PTH: variants seen among roughly 807,000 people sequenced by gnomAD.
PTH encodes parathyroid hormone, also known as parathormone.
In PTH, 7 loss-of-function variants were observed where a neutral mutation model predicts 7.4. The ratio of observed to expected loss-of-function variants is 0.94; its 90% CI spans 0.53 to 1.77. PTH has a LOEUF of 1.77. PTH is among the 40% of genes most tolerant of loss of function. The pLI is 0.00. For missense variants in PTH, 128 were observed against 137.1 expected, an observed-to-expected ratio of 0.93 and a Z score of 0.33; for synonymous variants, 51 against 46.6, an observed-to-expected ratio of 1.09 and a Z score of -0.39.
At chr11:13,495,524 CAGAATA>C (rs1420565372) in intron 1 of PTH, among the ~76,000 whole-genome samples, 2 of 152,020 alleles carry the variant, frequency 1.3e-5, no homozygotes, top group African/African-American at 4.8e-5. Context: ...GCAGGAAAAA[CAGAATA>C]TTAACTCCAC....
At chr11:13,495,144 T>G (rs1269158430) in intron 1 of PTH, among the ~76,000 whole-genome samples, 1 of 152,234 alleles carries the variant, frequency 6.6e-6, no homozygotes, top group African/African-American at 2.4e-5. Context: ...TGTAGCTTAT[T>G]TCTTCAACTT....
intron 1 of PTH, among the ~76,000 whole-genome samples, chr11:13,493,986 T>A (rs1591195216): frequency 6.6e-6 from 1 of 152,234 alleles, no homozygotes; most frequent in African/African-American, 2.4e-5. Flanking sequence ...GTCACTGACC[T>A]TTTTTATGTA....
chr11:13,492,698 C>G (rs893103863), intron 2 of PTH, 32 bp from the exon 3 acceptor site: 24 of 1,613,880 alleles, frequency 1.5e-5, no homozygotes, highest in Non-Finnish European at 1.9e-5. Flanking sequence ...AGGGCCACTT[C>G]CCATTAGCTC....
At position 13,492,570 on chromosome 11, in the gene PTH, A is replaced by G. The variant is rs370961197; in HGVS notation, c.183T>C (p.Asp61=). The change falls in exon 3 of 3, where the codon GAT becomes GAC. Residue 61 remains aspartate, a synonymous_variant. Transcript: ENST00000282091. ...CTCCAAGGGCAACAAAATTGTGCAC[A>G]TCCTGCAGCTTCTTACGCAGCCATT... is the stretch of plus-strand genomic sequence containing the variant. ...RVEWLRKKLQ[D]VHNFVALGAP... 2.2e-5 allele frequency: 35 copies of G among 1,614,160 alleles called. No individual in the cohort carries two copies. The highest frequency in any genetic ancestry group is 2.6e-5 in the Non-Finnish European group (31 of 1,180,014).
chr11:13,493,748 TG>T (rs1190043799), intron 1 of PTH, among the ~76,000 whole-genome samples: 2 of 152,234 alleles, frequency 1.3e-5, no homozygotes, highest in Non-Finnish European at 2.9e-5. Context: ...TAATAACTAA[TG>T]GAAAGTACAG....
chr11:13,493,744 C>T (rs1000612797), intron 1 of PTH, among the ~76,000 whole-genome samples: 9 of 152,170 alleles, frequency 5.9e-5, no homozygotes, highest in Admixed American at 5.2e-4. Context: ...CAGCTAATAA[C>T]TAATGGAAAG....
intron 1 of PTH, among the ~76,000 whole-genome samples, chr11:13,494,977 T>G (rs1183696801): frequency 1.3e-5 from 2 of 152,226 alleles, no homozygotes; most frequent in African/African-American, 4.8e-5. Context: ...GTAATAACCA[T>G]AAATACCAAA....
Position 13,492,084 on chromosome 11 carries a change from TATG to T in PTH, c.*318_*320del. 3.3e-6 allele frequency: 1 copy of T among 298,878 alleles called. No individual in the cohort carries two copies. Among genetic ancestry groups the T allele is most frequent in the Non-Finnish European group, 6.3e-6 (1 of 158,374 alleles). 18.5% of individuals were successfully genotyped at this position (298,878 alleles called of 1,614,324 possible). On this transcript the variant is annotated 3_prime_UTR_variant, in exon 3 of 3. Coordinates refer to ENST00000282091, the MANE Select transcript of PTH (RefSeq NM_000315.4). ...GAGAAATACTTCATTTATTTAGACT[TATG>T]ATCATTACATTTTTGTTTTACATTT...
In PTH at chr11:13,492,457, C is replaced by A. The variant is rs770840441; in HGVS notation, c.296G>T (p.Gly99Val). ...VLVESHEKSL[G>V]EADKADVNVL... is the part of the protein sequence containing the mutation. ...ATTCACATCAGCTTTGTCTGCCTCT[C>A]CAAGACTTTTTTCATGGCTCTCAAC... The change falls in exon 3 of 3, where the codon GGA (glycine) becomes GTA (valine). Residue 99 changes from glycine to valine, a missense_variant. By Grantham distance (109) the Gly-to-Val change is moderately radical. Transcript: ENST00000282091. The A allele has an allele frequency of 7.4e-6, 12 of 1,614,114 alleles. No individual in the cohort carries two copies. The Admixed American group carries it at 1.8e-4, about 25-fold the overall frequency.
intron 1 of PTH, among the ~76,000 whole-genome samples, chr11:13,493,118 T>G (rs181951862): frequency 2.8e-5 from 4 of 141,618 alleles, no homozygotes; most frequent in Admixed American, 2.7e-4. Context: ...TTTTTATTTA[T>G]TTTTTTAGAA....
intron 1 of PTH, among the ~76,000 whole-genome samples, chr11:13,495,141 T>C (rs1374026728): frequency 1.3e-5 from 2 of 152,220 alleles, no homozygotes; most frequent in Non-Finnish European, 2.9e-5. Flanking sequence ...GTTTGTAGCT[T>C]ATTTCTTCAA....
At chr11:13,493,158 T>C (rs1847499076) in intron 1 of PTH, among the ~76,000 whole-genome samples, 1 of 151,928 alleles carries the variant, frequency 6.6e-6, no homozygotes, top group African/African-American at 2.4e-5. Context: ...CTAAATCTAT[T>C]TGTACACTTA....
chr11:13,492,598 A>C lies in PTH; in HGVS notation c.155T>G (p.Val52Gly). ...LGKHLNSMER[V>G]EWLRKKLQDV... ...CTGCAGCTTCTTACGCAGCCATTCT[A>C]CTCTCTCCATCGAGTTCAGATGTTT... The change falls in exon 3 of 3, where the codon GTA becomes GGA. Residue 52 changes from valine (V) to glycine (G), a missense_variant. Val to Gly is a moderately radical substitution (Grantham distance 109). Coordinates refer to ENST00000282091, the MANE Select transcript of PTH (RefSeq NM_000315.4). The C allele has an allele frequency of 6.2e-7, 1 of 1,613,758 alleles. No homozygotes were observed. The highest frequency in any genetic ancestry group is 8.5e-7 in the Non-Finnish European group (1 of 1,179,940).
At chr11:13,495,576 A>G (rs890215442) in intron 1 of PTH, among the ~76,000 whole-genome samples, 1 of 152,194 alleles carries the variant, frequency 6.6e-6, no homozygotes, top group Non-Finnish European at 1.5e-5. Context: ...AATCAGAACT[A>G]TTCATTCACC....
At chr11:13,494,399 CCT>C (rs1187688581) in intron 1 of PTH, among the ~76,000 whole-genome samples, 1 of 152,126 alleles carries the variant, frequency 6.6e-6, no homozygotes, top group Non-Finnish European at 1.5e-5. Context: ...ATAAGCAATG[CCT>C]CTGTCATACA....
rs368357571 is a variant in PTH at position 13,492,750 on chromosome 11, C to G, written c.86+20G>C. 1.1e-5 allele frequency: 18 copies of G among 1,613,740 alleles called. No individual in the cohort carries two copies. The highest frequency in any genetic ancestry group is 6.7e-5 in the Admixed American group (4 of 59,904). ...AAAGTCAACATTAAAAATCCAATTCCAAGGCAAAACAGTACTTACTTAACA... is the reference window on the plus strand; with the variant it reads ...AAAGTCAACATTAAAAATCCAATTCGAAGGCAAAACAGTACTTACTTAACA... On this transcript the variant is annotated intron_variant, in intron 2 of 2. Transcript: ENST00000282091.
rs186788473 is a variant in PTH at position 13,493,272 on chromosome 11, C to T, written c.-5-412G>A. Among the ~76,000 whole-genome samples, 841 of 152,098 alleles carry T rather than the reference C, an allele frequency of 5.5e-3. 7 individuals are homozygous for T. Among genetic ancestry groups the T allele is most frequent in the African/African-American group, 0.02 (817 of 41,514 alleles). ...GAAAACATTGTCTCTGAAATAATTC[C>T]TAATTATACAATTTTGCAAACTAAT... On this transcript the variant is annotated intron_variant, in intron 1 of 2. Transcript: ENST00000282091.
At chr11:13,493,074 T>C (rs553991532) in intron 1 of PTH, among the ~76,000 whole-genome samples, 3 of 146,380 alleles carry the variant, frequency 2.0e-5, no homozygotes, top group African/African-American at 7.6e-5. Flanking sequence ...TGGAGATTTC[T>C]TGTGCAAGTT....
chr11:13,494,941 C>G (rs920337629), intron 1 of PTH, among the ~76,000 whole-genome samples: 2 of 152,186 alleles, frequency 1.3e-5, no homozygotes, highest in African/African-American at 4.8e-5. Context: ...AAATCCTTTT[C>G]TTAAGTAACC....
Sources: gnomAD v4.1 joint callset for allele counts (sites outside exome capture counted in the v4.1 genomes callset) on GRCh38, gnomAD v4.1.1 for gene constraint, MANE v1.5 for transcripts, NCBI Gene and HGNC (gene_info 2026-07-23, HGNC 2026-07-21) for gene names.